Variants in TRIM37 observed in about 807,000 individuals in gnomAD.
TRIM37 encodes tripartite motif containing 37.
In TRIM37, 80 loss-of-function variants were observed where a neutral mutation model predicts 129.8. That is an observed-to-expected ratio of 0.62 (90% confidence interval 0.51 to 0.74). The LOEUF is 0.74. Ranked by LOEUF, TRIM37 falls within the 30% of genes least tolerant of loss-of-function variation. The pLI, the probability that TRIM37 is intolerant of heterozygous loss-of-function variation, is 0.00. For missense variants in TRIM37, 1,054 were observed against 1,176.5 expected (o/e 0.90, Z 1.52); for synonymous variants, 389 against 387.1 (o/e 1.00, Z -0.06).
chr17:59,064,432 A>T (rs1370086617), intron 9 of TRIM37, 27 bp from the exon 10 acceptor site: 2 of 1,542,828 alleles, frequency 1.3e-6, no homozygotes, highest in Non-Finnish European at 1.8e-6. Flanking sequence ...AAAAAAAATT[A>T]TTTAGCTTAC....
chr17:58,980,496 G>T, downstream of TRIM37: 1 of 1,614,192 alleles, frequency 6.2e-7, no homozygotes, highest in African/African-American at 1.3e-5. This position sits in a 1 kb window ranked among gnomAD's most constrained non-coding sequence, Gnocchi z 4.7. Context: ...ATAGAAGCAA[G>T]CAAACCTCAC....
intron 13 of TRIM37, 42 bp downstream of exon 13, chr17:59,056,833 T>C (rs1349002406): frequency 1.3e-6 from 2 of 1,550,898 alleles, no homozygotes; most frequent in African/African-American, 1.4e-5. Flanking sequence ...ATGATATTAT[T>C]TCCCCACAAT....
At chr17:59,007,151 A>AC (rs2034592520) in intron 22 of TRIM37, among the ~76,000 whole-genome samples, 4 of 19,054 alleles carry the variant, frequency 2.1e-4, no homozygotes, top group Admixed American at 8.2e-4. Flanking sequence ...CCCCACCCCC[A>AC]CCCTCCAACA....
At chr17:59,013,304 C>T (rs927020193) in intron 21 of TRIM37, among the ~76,000 whole-genome samples, 7 of 152,002 alleles carry the variant, frequency 4.6e-5, no homozygotes, top group Non-Finnish European at 8.8e-5. Context: ...GCACCACGCC[C>T]GGCAATTTTT....
downstream of TRIM37, among the ~76,000 whole-genome samples, chr17:58,993,545 C>T (rs1567917224): frequency 1.3e-5 from 2 of 152,156 alleles, no homozygotes; most frequent in African/African-American, 4.8e-5. Flanking sequence ...ACTGTGATCC[C>T]GTTTACATGA....
chr17:59,055,132 T>G (rs529124114), intron 13 of TRIM37, among the ~76,000 whole-genome samples: 1 of 150,386 alleles, frequency 6.6e-6, no homozygotes, highest in East Asian at 2.0e-4. Flanking sequence ...AGGTCGGGAG[T>G]TAGAAACCAG....
intron 24 of TRIM37, among the ~76,000 whole-genome samples, chr17:58,990,457 C>T (rs2032264078): frequency 6.6e-6 from 1 of 151,652 alleles, no homozygotes; most frequent in Admixed American, 6.6e-5. Flanking sequence ...AGCCACTGCA[C>T]TCCAGCCCAG....
chr17:58,972,763 T>C, the TRIM37 span: 1 of 1,362,266 alleles, frequency 7.3e-7, no homozygotes, highest in Non-Finnish European at 1.1e-6. Flanking sequence ...TATCTGTTGT[T>C]TACTGTTAAA....
intron 7 of TRIM37, 43 bp from the exon 8 acceptor site, chr17:59,075,757 G>A: frequency 7.1e-7 from 1 of 1,404,930 alleles, no homozygotes; most frequent in Non-Finnish European, 1.0e-6. Flanking sequence ...GTTCATTATT[G>A]GTTTAAGAAT....
intron 17 of TRIM37, among the ~76,000 whole-genome samples, chr17:59,037,468 G>A (rs967861807): frequency 6.2e-5 from 9 of 144,382 alleles, no homozygotes; most frequent in Non-Finnish European, 7.5e-5. Flanking sequence ...TGAAGCAGGA[G>A]AATGGGGTGA....
intron 9 of TRIM37, 22 bp from the exon 10 acceptor site, chr17:59,064,427 A>C: frequency 1.9e-6 from 3 of 1,557,888 alleles, no homozygotes; most frequent in Non-Finnish European, 2.6e-6. Context: ...AAGGCAAAAA[A>C]AATTATTTAG....
rs144506401 is a variant in TRIM37, at chr17:59,077,881, C to T, written c.616+1873G>A. Among the ~76,000 whole-genome samples the T allele has an allele frequency of 2.5e-3, 364 of 148,196 alleles. 4 individuals are homozygous for T. Among genetic ancestry groups the T allele is most frequent in the African/African-American group, 8.6e-3 (346 of 40,106 alleles). On this transcript the variant is annotated intron_variant, in intron 7 of 23. Coordinates refer to ENST00000262294, the MANE Select transcript of TRIM37 (RefSeq NM_015294.6). ...GCTCACGCCTGTTATCCCAGCACTT[C>T]GGGAGGCGGAGGTGGGTGGATCACC...
chr17:58,968,449 T>C, the TRIM37 span, among the ~76,000 whole-genome samples: 1 of 152,098 alleles, frequency 6.6e-6, no homozygotes, highest in Admixed American at 6.5e-5. Flanking sequence ...TAAAAAGAAC[T>C]TTTTCAAAGT....
downstream of TRIM37, among the ~76,000 whole-genome samples, chr17:58,979,096 G>A (rs2031207039): frequency 6.6e-6 from 1 of 152,154 alleles, no homozygotes. Flanking sequence ...GTGAGAGGAC[G>A]AAGCTAAGCA....
chr17:59,037,466 G>C (rs1386785699), intron 17 of TRIM37, among the ~76,000 whole-genome samples: 9 of 143,596 alleles, frequency 6.3e-5, no homozygotes, highest in Non-Finnish European at 1.2e-4. Context: ...GCTGAAGCAG[G>C]AGAATGGGGT....
Position 59,056,841 on chromosome 17 carries a change from A to G in TRIM37, c.1199+34T>C, listed in dbSNP as rs758311670. ...AGTTCTGATGATATTATTTCCCCAC[A>G]ATAAAAACCACAACATCAAATTTTT... On this transcript the variant is annotated intron_variant, in intron 13 of 23. Transcript: ENST00000262294. 3 of 1,570,642 alleles carry G rather than the reference A, an allele frequency of 1.9e-6. No homozygotes were observed. The South Asian group carries it at 3.3e-5, about 17-fold the overall frequency.
At chr17:59,102,904 C>T (rs1301766176) in intron 2 of TRIM37, among the ~76,000 whole-genome samples, 3 of 151,716 alleles carry the variant, frequency 2.0e-5, no homozygotes, top group Admixed American at 6.6e-5. Flanking sequence ...GACGAAGTCT[C>T]GCTCTGTCGC....
chr17:59,083,667 G>A (rs2043504886), intron 5 of TRIM37, among the ~76,000 whole-genome samples: 2 of 152,094 alleles, frequency 1.3e-5, no homozygotes, highest in South Asian at 2.1e-4. Flanking sequence ...CCATTTTAAA[G>A]GAACTAAAAT....
chr17:59,042,447 A>ACATATATATATATAT (rs1366333212), intron 16 of TRIM37, among the ~76,000 whole-genome samples: 1 of 38,986 alleles, frequency 2.6e-5, no homozygotes, highest in African/African-American at 9.1e-5. Context: ...AAAAAAAAAA[A>ACATATATATATATAT]AAATATATAT....
Sources: gnomAD v4.1 joint callset for allele counts (sites outside exome capture counted in the v4.1 genomes callset) on GRCh38, gnomAD v4.1.1 for gene constraint, Gnocchi (gnomAD v3.1) non-coding constraint, MANE v1.5 for transcripts, NCBI Gene and HGNC (gene_info 2026-07-23, HGNC 2026-07-21) for gene names.